The following ABCC1 variants were observed in gnomAD, a reference collection of about 807,000 sequenced individuals.
ABCC1 encodes the protein multidrug resistance-associated protein 1.
Under a neutral mutation model 172.9 loss-of-function variants are expected in ABCC1, and 83 were observed. That is an observed-to-expected ratio of 0.48 (90% CI 0.40 to 0.58). The LOEUF (loss-of-function observed/expected upper bound fraction) is 0.58, where lower values mean the gene tolerates loss of function less well. Among genes scored for constraint, ABCC1 ranks in the 20% least tolerant of loss-of-function variants. The pLI is 0.00. For missense variants in ABCC1, 1,817 were observed against 2,002.7 expected (o/e 0.91, Z 1.77); for synonymous variants, 937 against 825.2 (o/e 1.14, Z -2.32).
At chr16:16,104,954 A>G (rs2052004748) in intron 20 of ABCC1, among the ~76,000 whole-genome samples, 1 of 152,086 alleles carries the variant, frequency 6.6e-6, no homozygotes, top group Non-Finnish European at 1.5e-5. Flanking sequence ...CCCACCCAGA[A>G]CTAGCGCTGG....
At chr16:16,005,248 C>T (rs1206911223) in intron 1 of ABCC1, among the ~76,000 whole-genome samples, 12 of 151,708 alleles carry the variant, frequency 7.9e-5, no homozygotes, top group African/African-American at 2.7e-4. Flanking sequence ...TTGGGGACCG[C>T]AGCCAAATGG....
At chr16:16,028,575 G>C (rs1228738969) in intron 5 of ABCC1, among the ~76,000 whole-genome samples, 6 of 152,084 alleles carry the variant, frequency 3.9e-5, no homozygotes, top group African/African-American at 1.4e-4. Flanking sequence ...GTGGGAGTGG[G>C]CAGGAAGGTG....
Position 16,094,203 on chromosome 16 carries a change from T to C in ABCC1, c.2644+3615T>C, listed in dbSNP as rs559299923. ...TTAATCCGACCGACCCTGAGCTCTG[T>C]AGGTCCGGCGACGCAACTTAGGTGC... is the stretch of plus-strand genomic sequence containing the variant. On this transcript the variant is annotated intron_variant, in intron 19 of 30. Transcript: ENST00000399410. 7 of 278,346 alleles carry C rather than the reference T, an allele frequency of 2.5e-5. No individual in the cohort carries two copies. The East Asian group carries it at 6.9e-4, about 28-fold the overall frequency. The allele number at this position is 278,346 out of a possible 1,614,324, so 17.2% of individuals were successfully genotyped here. A position where few individuals can be genotyped will look rare whatever the true frequency, so the allele number is the denominator to read the frequency against.
chr16:16,014,192 T>A (rs898638421), intron 3 of ABCC1, among the ~76,000 whole-genome samples: 1 of 152,148 alleles, frequency 6.6e-6, no homozygotes, highest in Admixed American at 6.6e-5. Context: ...ACACCTGTAA[T>A]CCCAGCACCT....
At chr16:16,116,819 C>T (rs1298390223) in intron 23 of ABCC1, among the ~76,000 whole-genome samples, 1 of 152,194 alleles carries the variant, frequency 6.6e-6, no homozygotes, top group Non-Finnish European at 1.5e-5. Context: ...CTCAGCCTGC[C>T]AAAGTGCTGG....
At chr16:16,133,583 T>C (rs1340285353) in intron 27 of ABCC1, among the ~76,000 whole-genome samples, 1 of 152,026 alleles carries the variant, frequency 6.6e-6, no homozygotes. Context: ...TTTGTAGTTT[T>C]AGTAGAGATG....
intron 12 of ABCC1, among the ~76,000 whole-genome samples, chr16:16,058,062 C>T (rs931174912): frequency 2.0e-5 from 3 of 152,062 alleles, no homozygotes; most frequent in Admixed American, 2.0e-4. Context: ...TGTTATGATC[C>T]ATGCTACACT....
intron 17 of ABCC1, among the ~76,000 whole-genome samples, chr16:16,083,944 C>A (rs2050907459): frequency 6.6e-6 from 1 of 152,150 alleles, no homozygotes; most frequent in Non-Finnish European, 1.5e-5. Context: ...TTTGTGGTCA[C>A]ATGACTGCAG....
At chr16:16,132,672 C>T (rs571795558) in intron 27 of ABCC1, among the ~76,000 whole-genome samples, 1 of 151,704 alleles carries the variant, frequency 6.6e-6, no homozygotes, top group South Asian at 2.1e-4. Flanking sequence ...CAGGCATGCG[C>T]CACCATGCCT....
At chr16:16,100,949 C>T (rs972491221) in intron 19 of ABCC1, among the ~76,000 whole-genome samples, 2 of 152,224 alleles carry the variant, frequency 1.3e-5, no homozygotes, top group Admixed American at 6.5e-5. Flanking sequence ...GGGCTGGACA[C>T]GAGGGCACCT....
In ABCC1 at chr16:16,036,490, C is replaced by A. The variant is rs777377123; in HGVS notation, c.696C>A (p.Tyr232Ter). Residue 232 changes from tyrosine (Y) to a stop codon, truncating the protein, a stop_gained, in exon 7 of 31, where the codon TAC (tyrosine) becomes TAA (stop). Transcript: ENST00000399410. LOFTEE classifies it high-confidence loss of function. Reference protein sequence around the residue: ...WWITGLIVRGYRQPLEGSDLW... With the variant: ...WWITGLIVRG ...GCCCCAGGTTGATTGTCCGGGGCTA[C>A]CGCCAGCCCCTGGAGGGCAGTGACC... is the stretch of plus-strand genomic sequence containing the variant. 1 of 1,613,668 alleles carries A rather than the reference C, an allele frequency of 6.2e-7. No homozygotes were observed. Among genetic ancestry groups the A allele is most frequent in the Non-Finnish European group, 8.5e-7 (1 of 1,179,776 alleles).
chr16:16,042,672 C>A (rs2049021662), intron 7 of ABCC1, among the ~76,000 whole-genome samples: 1 of 149,948 alleles, frequency 6.7e-6, no homozygotes, highest in Admixed American at 6.7e-5. Flanking sequence ...CATTGCACTC[C>A]AGCCTGTGTG....
At chr16:16,031,205 A>T (rs2048547699) in intron 5 of ABCC1, among the ~76,000 whole-genome samples, 1 of 152,174 alleles carries the variant, frequency 6.6e-6, no homozygotes, top group Non-Finnish European at 1.5e-5. Flanking sequence ...CCACTGGACG[A>T]GAGTATGCCA....
intron 1 of ABCC1, among the ~76,000 whole-genome samples, chr16:15,996,166 G>A (rs1425348647): frequency 1.3e-5 from 2 of 151,780 alleles, no homozygotes; most frequent in East Asian, 3.9e-4. Context: ...TGTACATTTA[G>A]TAGAGAGAGG....
At chr16:16,056,632 G>A in intron 12 of ABCC1, 1 of 340,488 alleles carries the variant, frequency 2.9e-6, no homozygotes, top group Non-Finnish European at 5.5e-6. Flanking sequence ...TCACGCCAGT[G>A]CACTCCAGCC....
intron 3 of ABCC1, among the ~76,000 whole-genome samples, chr16:16,013,425 C>T (rs1328348991): frequency 2.6e-5 from 4 of 151,936 alleles, no homozygotes; most frequent in Non-Finnish European, 5.9e-5. Context: ...CGTATGCCAC[C>T]ACGCCTGGCT....
At chr16:16,068,714 C>T (rs550648890) in intron 13 of ABCC1, among the ~76,000 whole-genome samples, 8 of 151,806 alleles carry the variant, frequency 5.3e-5, no homozygotes, top group African/African-American at 1.9e-4. Context: ...CAGCCGGGCG[C>T]GGCGGCTCAT....
intron 15 of ABCC1, among the ~76,000 whole-genome samples, chr16:16,078,536 A>G (rs1382932838): frequency 1.3e-5 from 2 of 152,148 alleles, no homozygotes; most frequent in East Asian, 3.9e-4. Context: ...GCATATTTCA[A>G]GGTGCTCCCA....
chr16:16,097,301 C>T (rs1345306146), intron 19 of ABCC1, among the ~76,000 whole-genome samples: 3 of 152,084 alleles, frequency 2.0e-5, no homozygotes, highest in Non-Finnish European at 4.4e-5. Flanking sequence ...TTAGTAGAGA[C>T]GGCGTTGTGC....
Sources: allele counts gnomAD v4.1 joint callset (sites outside exome capture counted in the v4.1 genomes callset), GRCh38; gene constraint gnomAD v4.1.1; transcripts MANE v1.5; gene names NCBI Gene and HGNC (gene_info 2026-07-23, HGNC 2026-07-21).